MED30: variants seen among roughly 807,000 people sequenced by gnomAD.
MED30 encodes mediator of RNA polymerase II transcription subunit 30.
A neutral mutation model predicts 21.7 loss-of-function variants in MED30; 8 were observed. The ratio of observed to expected loss-of-function variants is 0.37; its 90% CI spans 0.22 to 0.67. MED30 has a LOEUF of 0.67. Among genes scored for constraint, MED30 ranks in the 30% least tolerant of loss-of-function variants. MED30 has a pLI of 0.58. For synonymous variants in MED30, 79 were observed against 86.7 expected (o/e 0.91, Z 0.49); for missense variants, 203 against 228.2 (o/e 0.89, Z 0.71).
intron 1 of MED30, among the ~76,000 whole-genome samples, chr8:117,524,816 G>A (rs1050548976): frequency 6.6e-6 from 1 of 151,844 alleles, no homozygotes; most frequent in East Asian, 1.9e-4. Flanking sequence ...TTTCATTTTC[G>A]CCTTTTTTGC....
chr8:117,526,229 A>G (rs1186741060), intron 1 of MED30, among the ~76,000 whole-genome samples: 1 of 152,022 alleles, frequency 6.6e-6, no homozygotes, highest in African/African-American at 2.4e-5. Context: ...GTAGCACTTT[A>G]TCATATTATT....
rs569921102 is a variant in MED30 at position 117,540,077 on chromosome 8, T to C, written c.*99T>C. The C allele has an allele frequency of 3.3e-6, 2 of 609,578 alleles. No individual in the cohort carries two copies. Among genetic ancestry groups the C allele is most frequent in the South Asian group, 5.3e-5 (2 of 37,806 alleles). 37.8% of individuals were successfully genotyped at this position (609,578 alleles called of 1,614,324 possible). ...GAAGATTATTTATCTGCTTTTATTT[T>C]AGTCACTAAAACTAAAGTTTTTATT... On this transcript the variant is annotated 3_prime_UTR_variant, in exon 4 of 4. Transcript: ENST00000297347.
intron 1 of MED30, among the ~76,000 whole-genome samples, chr8:117,521,314 C>G (rs150299342): frequency 0.014 from 2,188 of 152,208 alleles, 38 homozygotes; most frequent in South Asian, 0.05. Flanking sequence ...TAAACTCTTG[C>G]ACCTTTCAAG....
chr8:117,538,854 A>G (rs1186314134), intron 3 of MED30, among the ~76,000 whole-genome samples: 1 of 152,228 alleles, frequency 6.6e-6, no homozygotes, highest in African/African-American at 2.4e-5. Flanking sequence ...AGAAGATTGC[A>G]TTGGGTACTC....
intron 1 of MED30, chr8:117,523,928 A>C (rs1586860038): frequency 3.3e-6 from 1 of 304,878 alleles, no homozygotes; most frequent in East Asian, 6.6e-5. Flanking sequence ...AATCGCTTGA[A>C]CCCGGGAGGC....
chr8:117,535,755 G>T (rs1818869625), intron 3 of MED30, among the ~76,000 whole-genome samples: 2 of 151,906 alleles, frequency 1.3e-5, no homozygotes, highest in South Asian at 2.1e-4. Flanking sequence ...TGTAAATATA[G>T]GTTTGCTTTT....
chr8:117,532,575 C>G (rs938460025), intron 3 of MED30, among the ~76,000 whole-genome samples: 1 of 151,954 alleles, frequency 6.6e-6, no homozygotes, highest in African/African-American at 2.4e-5. Flanking sequence ...ATTAAGCTAG[C>G]TTTTACATTA....
intron 3 of MED30, 96 bp from the exon 4 acceptor site, chr8:117,539,786 CT>C: frequency 1.4e-6 from 1 of 724,732 alleles, no homozygotes; most frequent in South Asian, 1.6e-5. Context: ...TAATTTCTGT[CT>C]GTATCATTAT....
Position 117,520,798 on chromosome 8 carries a change from G to A in MED30, c.-79G>A. 2 of 1,391,010 alleles carry A rather than the reference G, an allele frequency of 1.4e-6. No individual in the cohort carries two copies. Among genetic ancestry groups the A allele is most frequent in the Non-Finnish European group, 1.9e-6 (2 of 1,047,626 alleles). 86.2% of individuals were successfully genotyped at this position (1,391,010 alleles called of 1,614,324 possible). A position where few individuals can be genotyped will look rare whatever the true frequency, so the allele number is the denominator to read the frequency against. Reference sequence around the variant, plus strand: ...CTCTCAAGCTGGTTCCAACGCTGAGGCCCCACAGCCTCCCAATTCCGGGCA... The same window carrying A: ...CTCTCAAGCTGGTTCCAACGCTGAGACCCCACAGCCTCCCAATTCCGGGCA... On this transcript the variant is annotated 5_prime_UTR_variant, in exon 1 of 4. Coordinates refer to ENST00000297347, the MANE Select transcript of MED30 (RefSeq NM_080651.4).
At position 117,539,946 on chromosome 8, in the gene MED30, G is replaced by T; in HGVS notation, c.505G>T (p.Asp169Tyr). ...IMDQLRNLIW[D>Y]INAMLAMRN is the part of the protein sequence containing the mutation. ...GGATCAATTACGAAATCTCATCTGG[G>T]ATATAAATGCCATGTTGGCAATGAG... Residue 169 changes from aspartate (D) to tyrosine (Y), a missense_variant, in exon 4 of 4, where the codon GAT becomes TAT. Physicochemically the swap from Asp to Tyr is radical, Grantham distance 160 (BLOSUM62 -3). Transcript: ENST00000297347. 6.2e-7 allele frequency: 1 copy of T among 1,607,486 alleles called. No homozygotes were observed. The highest frequency in any genetic ancestry group is 8.5e-7 in the Non-Finnish European group (1 of 1,176,634).
At chr8:117,533,279 C>A (rs1818816586) in intron 3 of MED30, among the ~76,000 whole-genome samples, 2 of 151,808 alleles carry the variant, frequency 1.3e-5, no homozygotes, top group Non-Finnish European at 2.9e-5. Flanking sequence ...TATGGTAATT[C>A]TTTGGCAGCA....
Position 117,530,735 on chromosome 8 carries a change from T to A in MED30, c.349T>A (p.Tyr117Asn). 1 of 1,610,480 alleles carries A rather than the reference T, an allele frequency of 6.2e-7. No homozygotes were observed. The highest frequency in any genetic ancestry group is 8.5e-7 in the Non-Finnish European group (1 of 1,177,982). ...DPIPVEQLIP[Y>N]VEEDGSKNDD... ...TAATCATTCCCAGCAACTTATTCCA[T>A]ATGTGGAAGAAGATGGCTCAAAGAA... Residue 117 changes from tyrosine (Y) to asparagine (N), a missense_variant, in exon 3 of 4, where the codon TAT (tyrosine) becomes AAT (asparagine). Physicochemically the swap from Tyr to Asn is moderately radical, Grantham distance 143. Coordinates refer to ENST00000297347, the MANE Select transcript of MED30 (RefSeq NM_080651.4).
At chr8:117,529,467 CAGA>C (rs1239736577) in intron 2 of MED30, among the ~76,000 whole-genome samples, 4 of 151,936 alleles carry the variant, frequency 2.6e-5, no homozygotes, top group African/African-American at 7.2e-5. Flanking sequence ...TCAGATGCTA[CAGA>C]GAAGTCAGGG....
At chr8:117,535,898 C>T (rs527767328) in intron 3 of MED30, among the ~76,000 whole-genome samples, 30 of 151,464 alleles carry the variant, frequency 2.0e-4, no homozygotes, top group Non-Finnish European at 8.8e-5. Context: ...TTAATAATGG[C>T]CATTATTAAA....
At chr8:117,522,759 C>CA (rs1818650370) in intron 1 of MED30, among the ~76,000 whole-genome samples, 1 of 150,972 alleles carries the variant, frequency 6.6e-6, no homozygotes. Context: ...GAAATTATGA[C>CA]ATTCTTTGGC....
Position 117,520,890 on chromosome 8 carries a change from C to G in MED30, c.14C>G (p.Pro5Arg), listed in dbSNP as rs754283459. 3 of 1,601,192 alleles carry G rather than the reference C, an allele frequency of 1.9e-6. No individual in the cohort carries two copies. The highest frequency in any genetic ancestry group is 1.1e-5 in the South Asian group (1 of 89,922). ...TGCAGCCGCGCCATGTCCACCCCTC[C>G]GTTGGCCGCGTCGGGGATGGCGCCC... The part of the protein sequence containing the change: MSTP[P>R]LAASGMAPGP... Residue 5 changes from proline to arginine, a missense_variant, in exon 1 of 4, where the codon CCG becomes CGG. Physicochemically the swap from Pro to Arg is moderately radical, Grantham distance 103. Coordinates refer to ENST00000297347, the MANE Select transcript of MED30 (RefSeq NM_080651.4).
intron 1 of MED30, chr8:117,523,653 T>C: frequency 1.9e-6 from 3 of 1,596,686 alleles, no homozygotes; most frequent in Non-Finnish European, 2.6e-6. Flanking sequence ...CATTCTTGTC[T>C]GCCAGCTCCG....
chr8:117,536,522 CAGA>C (rs1586866285), intron 3 of MED30, among the ~76,000 whole-genome samples: 3 of 152,184 alleles, frequency 2.0e-5, no homozygotes, highest in South Asian at 2.1e-4. Context: ...TGAAATTGTG[CAGA>C]AGAACATATT....
intron 1 of MED30, chr8:117,524,061 T>G (rs1288499616): frequency 5.8e-6 from 1 of 173,358 alleles, no homozygotes; most frequent in African/African-American, 2.4e-5. Context: ...CTTCAACATT[T>G]CGGCCACTGT....
Sources: gnomAD v4.1 joint callset for allele counts (sites outside exome capture counted in the v4.1 genomes callset) on GRCh38, gnomAD v4.1.1 for gene constraint, MANE v1.5 for transcripts, NCBI Gene and HGNC (gene_info 2026-07-23, HGNC 2026-07-21) for gene names.